LPP: variants seen among roughly 807,000 people sequenced by gnomAD.
The protein encoded by LPP is LIM domain containing preferred translocation partner in lipoma, also known as lipoma-preferred partner.
A neutral mutation model predicts 60.4 loss-of-function variants in LPP; 38 were observed. That is an observed-to-expected ratio of 0.63 (90% CI 0.49 to 0.83). The LOEUF is 0.83. LPP is among the 40% of genes least tolerant of loss of function. LPP has a pLI of 0.00. For missense variants in LPP, 902 were observed against 783.6 expected (o/e 1.15, Z -1.80); for synonymous variants, 328 against 290.8 (o/e 1.13, Z -1.30).
At chr3:188,505,710 A>C (rs1813254983) in intron 5 of LPP, among the ~76,000 whole-genome samples, 4 of 152,222 alleles carry the variant, frequency 2.6e-5, no homozygotes, top group Admixed American at 2.6e-4. Flanking sequence ...TCTATCACCA[A>C]GGCTTACAGG....
chr3:188,750,753 T>C (rs1727814413), intron 8 of LPP, among the ~76,000 whole-genome samples: 1 of 152,184 alleles, frequency 6.6e-6, no homozygotes, highest in Admixed American at 6.5e-5. Context: ...AACCTAATGT[T>C]CTTTACAAAA....
At chr3:188,155,328 CTG>C (rs2148639898) in intron 1 of LPP, among the ~76,000 whole-genome samples, 1 of 152,314 alleles carries the variant, frequency 6.6e-6, no homozygotes, top group Non-Finnish European at 1.5e-5. Flanking sequence ...ACTCACTTAA[CTG>C]TGTTTCCAGT....
chr3:188,770,971 T>C (rs967131084), intron 9 of LPP, among the ~76,000 whole-genome samples: 3 of 152,194 alleles, frequency 2.0e-5, no homozygotes, highest in Admixed American at 2.0e-4. Context: ...TCCAGGATTG[T>C]CCCATGCAGG....
intron 7 of LPP, among the ~76,000 whole-genome samples, chr3:188,625,502 T>C (rs1279600098): frequency 1.3e-5 from 2 of 152,202 alleles, no homozygotes; most frequent in South Asian, 2.1e-4. Flanking sequence ...AGATAATGCA[T>C]ATTCATCCTC....
At chr3:188,186,098 C>G (rs955309378) in intron 1 of LPP, among the ~76,000 whole-genome samples, 5 of 152,118 alleles carry the variant, frequency 3.3e-5, no homozygotes, top group African/African-American at 1.2e-4. Context: ...TTAACCACCT[C>G]AGGCCTAAAT....
intron 6 of LPP, among the ~76,000 whole-genome samples, chr3:188,603,592 A>G (rs1053592230): frequency 6.6e-6 from 1 of 152,128 alleles, no homozygotes; most frequent in Non-Finnish European, 1.5e-5. Flanking sequence ...AATTATGTTC[A>G]ACACAAAATG....
At chr3:188,214,234 G>A (rs1488065398) in intron 1 of LPP, among the ~76,000 whole-genome samples, 1 of 151,916 alleles carries the variant, frequency 6.6e-6, no homozygotes, top group Non-Finnish European at 1.5e-5. Flanking sequence ...GGGTTCAAGC[G>A]ATTCTCCTGC....
At chr3:188,530,070 T>TCCTTGACTTTTTC (rs1231551440) in intron 6 of LPP, among the ~76,000 whole-genome samples, 203 of 152,298 alleles carry the variant, frequency 1.3e-3, no homozygotes, top group African/African-American at 4.7e-3. Context: ...AGTGAGAAAG[T>TCCTTGACTTTTTC]CAAGGAACGT....
At chr3:188,837,070 C>T (rs1371364414) in intron 9 of LPP, among the ~76,000 whole-genome samples, 1 of 152,096 alleles carries the variant, frequency 6.6e-6, no homozygotes, top group African/African-American at 2.4e-5. Flanking sequence ...TTTGTGACTG[C>T]TCCTAGACTG....
intron 9 of LPP, among the ~76,000 whole-genome samples, chr3:188,834,722 T>G (rs1757976450): frequency 6.6e-6 from 1 of 152,174 alleles, no homozygotes; most frequent in Admixed American, 6.6e-5. Flanking sequence ...ATTTCTGAAA[T>G]GAATTAATGT....
intron 2 of LPP, among the ~76,000 whole-genome samples, chr3:188,308,310 T>G (rs1445400264): frequency 1.3e-5 from 2 of 151,896 alleles, no homozygotes; most frequent in Non-Finnish European, 2.9e-5. Context: ...TGTGGTGAAG[T>G]GGAATAAATG....
intron 1 of LPP, among the ~76,000 whole-genome samples, chr3:188,187,628 C>T (rs1399584110): frequency 9.9e-5 from 15 of 152,064 alleles, no homozygotes; most frequent in African/African-American, 3.4e-4. Context: ...GCAACTTTTT[C>T]TCTTATTTTG....
At position 188,741,249 on chromosome 3, in the gene LPP, G is replaced by A. The variant is rs1227637091; in HGVS notation, c.1241-18864G>A. On this transcript the variant is annotated intron_variant, in intron 8 of 11. Coordinates refer to ENST00000617246, the MANE Select transcript of LPP (RefSeq NM_001375462.1). ...TTCAAAGTTTCCTTTGAATTGGGGG[G>A]GGAAGGGAGATTCTGTAATTTAAGT... Among the ~76,000 whole-genome samples, 5 of 151,388 alleles carry A rather than the reference G, an allele frequency of 3.3e-5. No individual in the cohort carries two copies. The South Asian group carries it at 1.0e-3, about 32-fold the overall frequency.
At chr3:188,585,528 A>G (rs1029146178) in intron 6 of LPP, among the ~76,000 whole-genome samples, 3 of 152,192 alleles carry the variant, frequency 2.0e-5, no homozygotes, top group Non-Finnish European at 4.4e-5. Context: ...AGAGACAAAG[A>G]GAAATGGTCC....
chr3:188,281,601 C>CAAAAAAAAA (rs1167297915), intron 2 of LPP, among the ~76,000 whole-genome samples: 1 of 66,538 alleles, frequency 1.5e-5, no homozygotes, highest in Admixed American at 2.0e-4. Context: ...AAGACTCTAC[C>CAAAAAAAAA]AAAAAAAAAA....
chr3:188,479,774 T>C (rs1804249137), intron 4 of LPP, among the ~76,000 whole-genome samples: 1 of 152,238 alleles, frequency 6.6e-6, no homozygotes, highest in Admixed American at 6.5e-5. Context: ...GTAGGTTTTA[T>C]ATGGATATTT....
At chr3:188,255,255 A>G (rs1048735609) in intron 2 of LPP, among the ~76,000 whole-genome samples, 5 of 152,276 alleles carry the variant, frequency 3.3e-5, no homozygotes, top group Middle Eastern at 3.4e-3. Context: ...CAGTCTTTTC[A>G]ACACCCACTC....
At position 188,255,623 on chromosome 3, in the gene LPP, A is replaced by C. The variant is rs1294851711; in HGVS notation, c.-67+30096A>C. 4.6e-5 allele frequency among the ~76,000 whole-genome samples: 7 copies of C among 152,180 alleles called. No individual in the cohort carries two copies. In the East Asian group the frequency reaches 1.3e-3, roughly 29 times the overall value. ...TGAGTTCTTCTGGATGTCTTCCTATAGTGTTTAATTCATAGCTGGCTTTTG... is the reference window on the plus strand; with the variant it reads ...TGAGTTCTTCTGGATGTCTTCCTATCGTGTTTAATTCATAGCTGGCTTTTG... On this transcript the variant is annotated intron_variant, in intron 2 of 11. Transcript: ENST00000617246.
chr3:188,837,382 C>CATAATAATAATAATAATA (rs57174980), intron 9 of LPP, among the ~76,000 whole-genome samples: 19 of 140,386 alleles, frequency 1.4e-4, no homozygotes, highest in Non-Finnish European at 1.5e-4. Context: ...CCATCTCAAA[C>CATAATAATAATAATAATA]ATAATAATAA....
Sources: allele counts gnomAD v4.1 joint callset (sites outside exome capture counted in the v4.1 genomes callset), GRCh38; gene constraint gnomAD v4.1.1; transcripts MANE v1.5; gene names NCBI Gene and HGNC (gene_info 2026-07-23, HGNC 2026-07-21).